The following ITGAL variants were observed in gnomAD, a reference collection of about 807,000 sequenced individuals.
ITGAL encodes integrin subunit alpha L.
ITGAL carries 68 observed loss-of-function variants against 138.4 expected under a neutral mutation model. The ratio of observed to expected loss-of-function variants is 0.49; its 90% CI spans 0.40 to 0.60. The LOEUF (loss-of-function observed/expected upper bound fraction) is 0.60. Ranked by LOEUF, ITGAL falls within the 20% of genes least tolerant of loss-of-function variation. The pLI, the probability that ITGAL is intolerant of heterozygous loss-of-function variation, is 0.00. For missense variants in ITGAL, 1,256 were observed against 1,478.6 expected (o/e 0.85, Z 2.47); for synonymous variants, 561 against 584.3 (o/e 0.96, Z 0.57).
rs34385374 is a variant in ITGAL, at chr16:30,473,294, G to A, written c.61+396G>A. ...AAAAATACAATAAAATTAGCTTGGC[G>A]TGGTGGCACAGGCCTGTAATCCCAG... On this transcript the variant is annotated intron_variant, in intron 1 of 30. Coordinates refer to ENST00000356798, the MANE Select transcript of ITGAL (RefSeq NM_002209.3). Among the ~76,000 whole-genome samples, 271 of 152,272 alleles carry A rather than the reference G, an allele frequency of 1.8e-3. 1 individual carries two copies. The highest frequency in any genetic ancestry group is 3.4e-3 in the Middle Eastern group (1 of 294).
At chr16:30,512,243 C>T (rs1224917260) in intron 24 of ITGAL, among the ~76,000 whole-genome samples, 1 of 152,078 alleles carries the variant, frequency 6.6e-6, no homozygotes, top group African/African-American at 2.4e-5. Flanking sequence ...GGAGTTATGT[C>T]CGTTTTTTGC....
intron 17 of ITGAL, 113 bp from the exon 18 acceptor site, chr16:30,504,062 A>C: frequency 1.2e-6 from 1 of 822,480 alleles, no homozygotes; most frequent in Non-Finnish European, 2.1e-6. Flanking sequence ...AGGGTCTTAG[A>C]CAAAGAACTA....
At chr16:30,474,555 C>G (rs1159768491) in intron 2 of ITGAL, 1 of 493,156 alleles carries the variant, frequency 2.0e-6, no homozygotes, top group Non-Finnish European at 3.7e-6. Flanking sequence ...TCGCATTGCC[C>G]AGTAGGTTCC....
Position 30,494,397 on chromosome 16 carries a change from G to A in ITGAL, c.1365+34G>A. On this transcript the variant is annotated intron_variant, in intron 12 of 30. Coordinates refer to ENST00000356798, the MANE Select transcript of ITGAL (RefSeq NM_002209.3). The surrounding 1 kb of genome is among the most constrained non-coding windows in gnomAD (Gnocchi z 4.2). ...AGTCCGAGGGCATCTGCAGACCAGGGACTGGCGGGACACACATCACACTCC... is the reference window on the plus strand; with the variant it reads ...AGTCCGAGGGCATCTGCAGACCAGGAACTGGCGGGACACACATCACACTCC... The A allele has an allele frequency of 6.4e-7, 1 of 1,566,894 alleles. No individual in the cohort carries two copies. The highest frequency in any genetic ancestry group is 8.7e-7 in the Non-Finnish European group (1 of 1,150,256).
intron 25 of ITGAL, among the ~76,000 whole-genome samples, chr16:30,514,339 C>T (rs1488169771): frequency 6.0e-5 from 9 of 150,860 alleles, no homozygotes; most frequent in African/African-American, 9.8e-5. Flanking sequence ...TGCAGTGGCA[C>T]GGTCTCAGCT....
At chr16:30,493,529 G>T (rs2050756114) in intron 11 of ITGAL, among the ~76,000 whole-genome samples, 1 of 152,024 alleles carries the variant, frequency 6.6e-6, no homozygotes, top group African/African-American at 2.4e-5. Flanking sequence ...ACCTGCCTCG[G>T]CCTCCCAAAG....
At position 30,517,062 on chromosome 16, in the gene ITGAL, C is replaced by T. The variant is rs1374244958; in HGVS notation, c.2952C>T (p.Ile984=). The T allele has an allele frequency of 1.9e-6, 3 of 1,611,866 alleles. No individual in the cohort carries two copies. Among genetic ancestry groups the T allele is most frequent in the Non-Finnish European group, 2.5e-6 (3 of 1,178,370 alleles). The change falls in exon 26 of 31, where the codon ATC becomes ATT. Residue 984 remains isoleucine, a synonymous_variant. Coordinates refer to ENST00000356798, the MANE Select transcript of ITGAL (RefSeq NM_002209.3). ...GVPQPPSEGP[I]THQWSVQMEP... ...CACAGCCTCCCAGCGAGGGGCCCAT[C>T]ACACACCAGTGGAGCGTGCAGATGG...
In ITGAL at chr16:30,475,536, T is replaced by C. The variant is rs1397340651; in HGVS notation, c.283T>C (p.Leu95=). The C allele has an allele frequency of 2.5e-6, 4 of 1,614,006 alleles. No homozygotes were observed. The highest frequency in any genetic ancestry group is 3.4e-6 in the Non-Finnish European group (4 of 1,179,964). ...LRGSNYTSKY[L]GMTLATDPTD... ...AGGTTCCAACTATACCTCCAAGTAC[T>C]TGGGAATGACCTTGGCAACAGACCC... The change falls in exon 4 of 31, where the codon TTG becomes CTG. Residue 95 remains leucine, a synonymous_variant. Transcript: ENST00000356798.
At chr16:30,519,991 G>A (rs2051229139) in intron 30 of ITGAL, 24 bp downstream of exon 30, 5 of 1,511,050 alleles carry the variant, frequency 3.3e-6, no homozygotes, top group Non-Finnish European at 4.6e-6. Flanking sequence ...GGGGTCACAG[G>A]CATTGCTGAG....
At chr16:30,501,628 A>C (rs1321255959) in intron 17 of ITGAL, among the ~76,000 whole-genome samples, 5 of 151,974 alleles carry the variant, frequency 3.3e-5, no homozygotes, top group African/African-American at 9.7e-5. Context: ...ATATTCAATC[A>C]TCATGGTATG....
chr16:30,513,516 G>A lies in ITGAL; in HGVS notation c.2787-255G>A, dbSNP rs373221210. 1.1e-4 allele frequency among the ~76,000 whole-genome samples: 17 copies of A among 152,322 alleles called. No individual in the cohort carries two copies. The East Asian group carries it at 1.5e-3, about 14-fold the overall frequency. ...AGTGGAGACACTGGTGAGGTGGCGC[G>A]CAGTGGGGAGGACATAGCCTCCACT... On this transcript the variant is annotated intron_variant, in intron 24 of 30. Transcript: ENST00000356798.
At chr16:30,473,047 G>T in intron 1 of ITGAL, 149 bp downstream of exon 1, 1 of 678,440 alleles carries the variant, frequency 1.5e-6, no homozygotes, top group East Asian at 2.7e-5. Context: ...GAAGGAGAAA[G>T]GGGAGAGTGG....
rs548774557 is a variant in ITGAL, at chr16:30,487,237, T to C, written c.1007-1845T>C. ...GCAATCTTCCTGCTTCAGCCTCACA[T>C]AGTGCTGGGATTACAGGCATGAGCC... On this transcript the variant is annotated intron_variant, in intron 9 of 30. Transcript: ENST00000356798. Among the ~76,000 whole-genome samples the C allele has an allele frequency of 5.4e-5, 8 of 149,284 alleles. No individual in the cohort carries two copies. In the South Asian group the frequency reaches 1.7e-3, roughly 32 times the overall value.
In ITGAL at chr16:30,479,579, A is replaced by G. The variant is rs796233827; in HGVS notation, c.576+118A>G. ...CTCAGAGCCTATGGGCATGGCTATA[A>G]CTGGGCCTCTGGAAGGGACAAGAAC... On this transcript the variant is annotated intron_variant, in intron 6 of 30. Coordinates refer to ENST00000356798, the MANE Select transcript of ITGAL (RefSeq NM_002209.3). The G allele has an allele frequency of 7.1e-5, 68 of 961,494 alleles. No individual in the cohort carries two copies. In the African/African-American group the frequency reaches 1.1e-3, roughly 16 times the overall value. 59.6% of individuals were successfully genotyped at this position (961,494 alleles called of 1,614,324 possible).
chr16:30,489,200 C>G (rs1381915944), intron 10 of ITGAL, 45 bp downstream of exon 10: 1 of 1,613,708 alleles, frequency 6.2e-7, no homozygotes, highest in Non-Finnish European at 8.5e-7. Context: ...GTGCAGTTGG[C>G]TCTGGGGGGT....
At chr16:30,520,094 G>T (rs774227155) in intron 30 of ITGAL, 127 bp downstream of exon 30, 4 of 680,274 alleles carry the variant, frequency 5.9e-6, no homozygotes, top group Middle Eastern at 7.7e-4. Flanking sequence ...GAGCCAGGGG[G>T]CCTCAGCCTA....
intron 17 of ITGAL, 21 bp from the exon 18 acceptor site, chr16:30,504,154 C>T: frequency 6.4e-7 from 1 of 1,552,338 alleles, no homozygotes; most frequent in Non-Finnish European, 8.9e-7. Context: ...ATGACATAGG[C>T]TGTATTCTTA....
In ITGAL at chr16:30,510,915, A is replaced by G. The variant is rs772007994; in HGVS notation, c.2654A>G (p.Asn885Ser). ...CAGATGATGTTTAATACACTGGTAA[A>G]CAGCTCCTGGGGGGACTCGGTTGAA... is the stretch of plus-strand genomic sequence containing the variant. Reference protein sequence around the residue: ...ALQMMFNTLVNSSWGDSVELH... With the variant: ...ALQMMFNTLVSSSWGDSVELH... The change falls in exon 23 of 31, where the codon AAC becomes AGC. Residue 885 changes from asparagine to serine, a missense_variant. By Grantham distance (46) the Asn-to-Ser change is conservative. Transcript: ENST00000356798. The G allele has an allele frequency of 1.2e-6, 2 of 1,613,984 alleles. No individual in the cohort carries two copies. The highest frequency in any genetic ancestry group is 1.7e-6 in the Non-Finnish European group (2 of 1,179,990).
Position 30,521,741 on chromosome 16 carries a change from C to T in ITGAL, c.*76C>T. The T allele has an allele frequency of 1.4e-6, 2 of 1,451,870 alleles. No individual in the cohort carries two copies. The highest frequency in any genetic ancestry group is 1.9e-6 in the Non-Finnish European group (2 of 1,061,852). The allele number at this position is 1,451,870 out of a possible 1,614,324, so 89.9% of individuals were successfully genotyped here. A position where few individuals can be genotyped will look rare whatever the true frequency, so the allele number is the denominator to read the frequency against. ...GGGCCACTCTGCCTCTGCCTGCATT[C>T]TGCCGTGTGCCCTCGGGCGAGTCAC... On this transcript the variant is annotated 3_prime_UTR_variant, in exon 31 of 31. Coordinates refer to ENST00000356798, the MANE Select transcript of ITGAL (RefSeq NM_002209.3).
Sources: allele counts gnomAD v4.1 joint callset (sites outside exome capture counted in the v4.1 genomes callset), GRCh38; gene constraint gnomAD v4.1.1; non-coding constraint Gnocchi (gnomAD v3.1); transcripts MANE v1.5; gene names NCBI Gene and HGNC (gene_info 2026-07-23, HGNC 2026-07-21).